The following ZNF483 variants were observed in gnomAD, a reference collection of about 807,000 sequenced individuals.
The protein encoded by ZNF483 is zinc finger protein HIT-10.
In ZNF483, 9 loss-of-function variants were observed where a neutral mutation model predicts 28.6. The ratio of observed to expected loss-of-function variants is 0.32; its 90% confidence interval spans 0.19 to 0.55. ZNF483 has a LOEUF of 0.55. Among genes scored for constraint, ZNF483 ranks in the 20% least tolerant of loss-of-function variants. ZNF483 has a pLI of 0.93. For synonymous variants in ZNF483, 322 were observed against 306.2 expected (o/e 1.05, Z -0.54); for missense variants, 675 against 871.7 (o/e 0.77, Z 2.84).
intron 5 of ZNF483, among the ~76,000 whole-genome samples, chr9:111,572,075 C>T (rs1252697351): frequency 1.3e-5 from 2 of 152,208 alleles, no homozygotes; most frequent in Non-Finnish European, 2.9e-5. Flanking sequence ...TGTGCTAAGA[C>T]GAGTGGTGGA....
Position 111,550,655 on chromosome 9 carries a change from A to G in ZNF483, c.*7485A>G, listed in dbSNP as rs532429032. ...AGGTGGAGAGGTGGATTCCTGGGCC[A>G]CTCTATCCATGTCTTTGATTTTTCC... On this transcript the variant is annotated 3_prime_UTR_variant, in exon 6 of 6. Transcript: ENST00000309235. Among the ~76,000 whole-genome samples, 1 of 152,024 alleles carries G rather than the reference A, an allele frequency of 6.6e-6. No homozygotes were observed. Among genetic ancestry groups the G allele is most frequent in the Admixed American group, 6.5e-5 (1 of 15,294 alleles).
rs541655100 is a variant in ZNF483, at chr9:111,553,478, A to G, written c.*10308A>G. On this transcript the variant is annotated 3_prime_UTR_variant, in exon 6 of 6. Transcript: ENST00000309235. ...TGTAACTTGTGCTGTTTGCATAGGT[A>G]TACTCTATCTTGTGCTATCTGCATA... Among the ~76,000 whole-genome samples, 7 of 152,340 alleles carry G rather than the reference A, an allele frequency of 4.6e-5. No individual in the cohort carries two copies. Among genetic ancestry groups the G allele is most frequent in the East Asian group, 1.9e-4 (1 of 5,188 alleles).
Position 111,570,742 on chromosome 9 carries a change from G to A in ZNF483, c.722-5623G>A, listed in dbSNP as rs993039165. ...TGCAGTGAGCCAAGATCGTGCCACC[G>A]CACTCCAGTCTGGGTGACAGAATGA... is the stretch of plus-strand genomic sequence containing the variant. On this transcript the variant is annotated intron_variant, in intron 5 of 5. Transcript: ENST00000358151. Among the ~76,000 whole-genome samples the A allele has an allele frequency of 3.3e-5, 5 of 152,114 alleles. No homozygotes were observed. The East Asian group carries it at 7.7e-4, about 24-fold the overall frequency.
chr9:111,561,196 C>CGCACCA (rs1828311771), intron 5 of ZNF483, among the ~76,000 whole-genome samples: 1 of 123,548 alleles, frequency 8.1e-6, no homozygotes, highest in African/African-American at 3.1e-5. Context: ...AGAGATTCTT[C>CGCACCA]CTGTCCAAGA....
chr9:111,576,973 C>T (rs1226414984), exon 6 of ZNF483: 1 of 152,202 alleles, frequency 6.6e-6, no homozygotes, highest in African/African-American at 2.4e-5. Flanking sequence ...TGCCTGTAAT[C>T]CCAGCTACTC....
At chr9:111,570,426 A>G (rs192054915) in intron 5 of ZNF483, among the ~76,000 whole-genome samples, 1 of 152,216 alleles carries the variant, frequency 6.6e-6, no homozygotes, top group African/African-American at 2.4e-5. Flanking sequence ...TTCATATCCA[A>G]AAACCCCAGA....
Position 111,552,753 on chromosome 9 carries a change from C to T in ZNF483, c.*9583C>T, listed in dbSNP as rs1300156588. On this transcript the variant is annotated 3_prime_UTR_variant, in exon 6 of 6. Transcript: ENST00000309235. ...GTTCATCTAAGGCTAAAGAAAAATACTTGAAATTTTTCAAGATTTGAATTA... is the reference window on the plus strand; with the variant it reads ...GTTCATCTAAGGCTAAAGAAAAATATTTGAAATTTTTCAAGATTTGAATTA... 6.6e-6 allele frequency among the ~76,000 whole-genome samples: 1 copy of T among 152,080 alleles called. No homozygotes were observed. Among genetic ancestry groups the T allele is most frequent in the Non-Finnish European group, 1.5e-5 (1 of 67,988 alleles).
chr9:111,568,126 TA>T (rs1477320279), intron 5 of ZNF483, among the ~76,000 whole-genome samples: 2 of 152,096 alleles, frequency 1.3e-5, no homozygotes, highest in Admixed American at 1.3e-4. Context: ...AAGACAACCA[TA>T]AGGTCTAACT....
intron 5 of ZNF483, among the ~76,000 whole-genome samples, chr9:111,567,420 T>C (rs1364351691): frequency 3.3e-5 from 5 of 152,124 alleles, no homozygotes; most frequent in Admixed American, 6.5e-5. Flanking sequence ...CTCTTGACCT[T>C]GTGATCCACC....
rs1406446174 is a variant in ZNF483 at position 111,570,676 on chromosome 9, G to A, written c.722-5689G>A. On this transcript the variant is annotated intron_variant, in intron 5 of 5. Transcript: ENST00000358151. ...TGCCTATAGTCCCAGCTACTTGGGA[G>A]GCTGAGGCAGGAGAATTGCTTGAAC... Among the ~76,000 whole-genome samples, 4 of 152,198 alleles carry A rather than the reference G, an allele frequency of 2.6e-5. No individual in the cohort carries two copies. In the East Asian group the frequency reaches 5.8e-4, roughly 22 times the overall value.
exon 6 of ZNF483, chr9:111,576,622 T>A: frequency 1.9e-6 from 1 of 537,442 alleles, no homozygotes; most frequent in Non-Finnish European, 3.3e-6. Context: ...TAAAAGCTAC[T>A]AGGATGAGTT....
intron 1 of ZNF483, among the ~76,000 whole-genome samples, chr9:111,525,544 A>T (rs913871938): frequency 2.6e-4 from 40 of 152,094 alleles, no homozygotes; most frequent in Admixed American, 1.6e-3. Flanking sequence ...TTGTGGCAGG[A>T]TGTTTAACAG....
intron 5 of ZNF483, among the ~76,000 whole-genome samples, chr9:111,561,122 G>T (rs1300221463): frequency 1.6e-4 from 9 of 57,648 alleles, no homozygotes; most frequent in South Asian, 5.7e-4. Flanking sequence ...GAGAGAGAGA[G>T]AGAGAGAGAG....
chr9:111,543,996 C>T lies in ZNF483; in HGVS notation c.*826C>T. ...ACTTCGTGCAGGAATCCCTCAAATG[C>T]TGTAACTAGGAATGGGTCAGTGAAG... On this transcript the variant is annotated 3_prime_UTR_variant, in exon 6 of 6. Transcript: ENST00000309235. The T allele has an allele frequency of 3.0e-6, 3 of 985,308 alleles. No homozygotes were observed. The highest frequency in any genetic ancestry group is 3.6e-6 in the Non-Finnish European group (3 of 829,918). The allele number at this position is 985,308 out of a possible 1,614,324, so 61.0% of individuals were successfully genotyped here. A position where few individuals can be genotyped will look rare whatever the true frequency, so the allele number is the denominator to read the frequency against.
rs1364390962 is a variant in ZNF483 at position 111,545,612 on chromosome 9, C to T, written c.*2442C>T. Among the ~76,000 whole-genome samples the T allele has an allele frequency of 6.6e-6, 1 of 152,124 alleles. No homozygotes were observed. Among genetic ancestry groups the T allele is most frequent in the Non-Finnish European group, 1.5e-5 (1 of 68,018 alleles). On this transcript the variant is annotated 3_prime_UTR_variant, in exon 6 of 6. Transcript: ENST00000309235. The stretch of plus-strand genomic sequence containing the variant: ...TAATCCCAGGCACCCACTACTCAGT[C>T]GACTTTGTGTCTCTAGAGTTGTCTT...
At position 111,549,579 on chromosome 9, in the gene ZNF483, T is replaced by G. The variant is rs1028527800; in HGVS notation, c.*6409T>G. The G allele has an allele frequency of 1.5e-5, 10 of 649,156 alleles. No individual in the cohort carries two copies. The highest frequency in any genetic ancestry group is 1.5e-4 in the African/African-American group (8 of 52,544). The allele number at this position is 649,156 out of a possible 1,614,324, so 40.2% of individuals were successfully genotyped here. On this transcript the variant is annotated 3_prime_UTR_variant, in exon 6 of 6. Coordinates refer to ENST00000309235, the MANE Select transcript of ZNF483 (RefSeq NM_133464.5). ...CTGTCTCCCTTGTAGATTATCAGAG[T>G]GGGTCGATAATCTACAAGCTTTGCT...
In ZNF483 at chr9:111,542,254, A is replaced by C; in HGVS notation, c.1319A>C (p.Lys440Thr). 1 of 1,614,192 alleles carries C rather than the reference A, an allele frequency of 6.2e-7. No homozygotes were observed. Among genetic ancestry groups the C allele is most frequent in the Admixed American group, 1.7e-5 (1 of 60,028 alleles). ...EGNESGEKTH[K>T]CSKCGKAFGY... is the part of the protein sequence containing the mutation. ...AATGAGAGTGGAGAAAAAACTCATA[A>C]ATGTAGTAAGTGTGGAAAAGCCTTT... Residue 440 changes from lysine (K) to threonine (T), a missense_variant, in exon 6 of 6, where the codon AAA (lysine) becomes ACA (threonine). This residue lies in a region of ZNF483 where 525 missense variants were observed against 581.8 expected (regional missense o/e 0.90). Transcript: ENST00000309235. The surrounding 1 kb of genome is among the most constrained non-coding windows in gnomAD (Gnocchi z 6.2).
intron 5 of ZNF483, among the ~76,000 whole-genome samples, chr9:111,572,756 C>CAAAAAAA (rs58101079): frequency 1.3e-4 from 8 of 63,498 alleles, no homozygotes; most frequent in African/African-American, 3.8e-4. Flanking sequence ...GACCCTGTCT[C>CAAAAAAA]AAAAAAAAAA....
chr9:111,574,604 T>TAAAA, intron 5 of ZNF483: 6 of 489,910 alleles, frequency 1.2e-5, no homozygotes, highest in South Asian at 6.3e-5. Context: ...GACTCTGTCT[T>TAAAA]AAAAAAAAAA....
Sources: gnomAD v4.1 joint callset for allele counts (sites outside exome capture counted in the v4.1 genomes callset) on GRCh38, gnomAD v4.1.1 for gene constraint, gnomAD v4.1.1 regional missense constraint, Gnocchi (gnomAD v3.1) non-coding constraint, MANE v1.5 for transcripts, NCBI Gene and HGNC (gene_info 2026-07-23, HGNC 2026-07-21) for gene names.